The following BCAT1 variants were observed in gnomAD, a reference collection of about 807,000 sequenced individuals.
The protein encoded by BCAT1 is branched chain amino acid transaminase 1.
BCAT1 carries 48 observed loss-of-function variants against 52.4 expected under a neutral mutation model. The observed-to-expected ratio is 0.92, with a 90% CI of 0.73 to 1.16. The LOEUF (loss-of-function observed/expected upper bound fraction) is 1.16. Among genes scored for constraint, BCAT1 ranks in the 50% most tolerant of loss-of-function variants. The pLI, the probability that BCAT1 is intolerant of heterozygous loss-of-function variation, is 0.00. For synonymous variants in BCAT1, 167 were observed against 161.3 expected (o/e 1.04, Z -0.27); for missense variants, 451 against 457.1 (o/e 0.99, Z 0.12).
Position 24,948,939 on chromosome 12 carries a change from G to C in BCAT1, c.-7C>G. 1 of 1,595,642 alleles carries C rather than the reference G, an allele frequency of 6.3e-7. No homozygotes were observed. Among genetic ancestry groups the C allele is most frequent in the Non-Finnish European group, 8.5e-7 (1 of 1,170,998 alleles). On this transcript the variant is annotated 5_prime_UTR_variant, in exon 1 of 11. Coordinates refer to ENST00000261192, the MANE Select transcript of BCAT1 (RefSeq NM_005504.7). ...CATAAGTAGTTACCTTCATTGTTCCGTCGGCCACGAGGGAAGCTCGAGCTG... is the reference window on the plus strand; with the variant it reads ...CATAAGTAGTTACCTTCATTGTTCCCTCGGCCACGAGGGAAGCTCGAGCTG...
At chr12:24,868,901 A>G (rs1942101144) in intron 5 of BCAT1, among the ~76,000 whole-genome samples, 1 of 152,244 alleles carries the variant, frequency 6.6e-6, no homozygotes, top group South Asian at 2.1e-4. Flanking sequence ...ACGTTTATCC[A>G]ACATAGGATT....
At chr12:24,875,054 A>G (rs16928141) in intron 5 of BCAT1, among the ~76,000 whole-genome samples, 7,322 of 151,576 alleles carry the variant, frequency 0.048, 580 homozygotes, top group African/African-American at 0.17. Context: ...GCTTGCAATT[A>G]TACTATGAAG....
intron 6 of BCAT1, among the ~76,000 whole-genome samples, chr12:24,842,637 G>C (rs1941209637): frequency 6.6e-6 from 1 of 152,098 alleles, no homozygotes. Flanking sequence ...GAGAAACTAA[G>C]GTTTAGAGAA....
At chr12:24,902,938 T>G (rs1943153494) in intron 1 of BCAT1, 4 of 1,509,008 alleles carry the variant, frequency 2.7e-6, no homozygotes, top group Non-Finnish European at 3.5e-6. Context: ...ACGCCCGGGT[T>G]CGAGGTACCT....
At chr12:24,944,946 C>A (rs968480629) in intron 1 of BCAT1, among the ~76,000 whole-genome samples, 1 of 152,070 alleles carries the variant, frequency 6.6e-6, no homozygotes, top group Non-Finnish European at 1.5e-5. Flanking sequence ...CCATTAATTA[C>A]TGAACACAAG....
At chr12:24,877,538 C>T (rs376525826) in intron 5 of BCAT1, among the ~76,000 whole-genome samples, 1 of 152,300 alleles carries the variant, frequency 6.6e-6, no homozygotes, top group East Asian at 1.9e-4. Context: ...TTATTTAAAC[C>T]TACCATCCCA....
rs185838439 is a variant in BCAT1, at chr12:24,853,163, C to A, written c.511-3214G>T. 3.9e-5 allele frequency among the ~76,000 whole-genome samples: 6 copies of A among 152,276 alleles called. No individual in the cohort carries two copies. The East Asian group carries it at 1.2e-3, about 29-fold the overall frequency. On this transcript the variant is annotated intron_variant, in intron 5 of 10. Coordinates refer to ENST00000261192, the MANE Select transcript of BCAT1 (RefSeq NM_005504.7). Reference sequence around the variant, plus strand: ...AACTGCACTCATATGTTTATCACAGCCCTGTCCACAACAACAAAGACATGG... The same window carrying A: ...AACTGCACTCATATGTTTATCACAGACCTGTCCACAACAACAAAGACATGG...
chr12:24,916,249 C>G (rs1456572674), intron 1 of BCAT1, among the ~76,000 whole-genome samples: 1 of 152,196 alleles, frequency 6.6e-6, no homozygotes, highest in Non-Finnish European at 1.5e-5. Context: ...GTGAATTGCT[C>G]TCTTTTCAAC....
At chr12:24,821,268 T>A (rs1940112899) in intron 10 of BCAT1, among the ~76,000 whole-genome samples, 1 of 152,200 alleles carries the variant, frequency 6.6e-6, no homozygotes, top group Non-Finnish European at 1.5e-5. Flanking sequence ...TTTAATTCTA[T>A]CTGGTGACCT....
intron 5 of BCAT1, among the ~76,000 whole-genome samples, chr12:24,860,684 C>T (rs534079488): frequency 2.1e-4 from 32 of 152,302 alleles, no homozygotes; most frequent in African/African-American, 6.5e-4. Flanking sequence ...ACTTACAGAA[C>T]TGATGAAAGC....
intron 10 of BCAT1, among the ~76,000 whole-genome samples, chr12:24,826,029 T>C (rs1417941869): frequency 1.3e-5 from 2 of 152,108 alleles, no homozygotes; most frequent in South Asian, 2.1e-4. Flanking sequence ...CTGGGCAAGA[T>C]GGTGAGACTC....
At chr12:24,845,022 G>A (rs1357325181) in intron 6 of BCAT1, among the ~76,000 whole-genome samples, 1 of 151,686 alleles carries the variant, frequency 6.6e-6, no homozygotes, top group Non-Finnish European at 1.5e-5. Context: ...AGACCAGCCT[G>A]GCTAACATGG....
At chr12:24,827,753 C>G (rs1338392718) in intron 10 of BCAT1, among the ~76,000 whole-genome samples, 2 of 152,222 alleles carry the variant, frequency 1.3e-5, no homozygotes, top group East Asian at 3.9e-4. Context: ...GATTGCACCA[C>G]TGCACCCCAG....
chr12:24,830,478 T>C (rs1940615026), intron 9 of BCAT1: 1 of 152,202 alleles, frequency 6.6e-6, no homozygotes, highest in South Asian at 2.1e-4. Context: ...CTGAAAGAGA[T>C]TTCATGCTTC....
intron 5 of BCAT1, among the ~76,000 whole-genome samples, chr12:24,871,780 A>C (rs994911286): frequency 6.6e-6 from 1 of 152,214 alleles, no homozygotes; most frequent in Non-Finnish European, 1.5e-5. Context: ...GATGATACTC[A>C]CTGGTAAGAG....
chr12:24,943,800 T>C (rs183282249), intron 1 of BCAT1, among the ~76,000 whole-genome samples: 28,455 of 151,642 alleles, frequency 0.19, 3,498 homozygotes, highest in Non-Finnish European at 0.29. Flanking sequence ...CTGGCTAACA[T>C]GGTGAAACCC....
At position 24,919,005 on chromosome 12, in the gene BCAT1, C is replaced by T. The variant is rs571184842; in HGVS notation, c.7-17120G>A. 3.2e-4 allele frequency among the ~76,000 whole-genome samples: 49 copies of T among 152,186 alleles called. No homozygotes were observed. The South Asian group carries it at 4.4e-3, about 14-fold the overall frequency. Reference sequence around the variant, plus strand: ...CACAGTCAGATAAATGTGTGAGCCTCGATAAATATCTACTCAATAAATTGA... The same window carrying T: ...CACAGTCAGATAAATGTGTGAGCCTTGATAAATATCTACTCAATAAATTGA... On this transcript the variant is annotated intron_variant, in intron 1 of 10. Coordinates refer to ENST00000261192, the MANE Select transcript of BCAT1 (RefSeq NM_005504.7).
chr12:24,913,033 A>G lies in BCAT1; in HGVS notation c.7-11148T>C, dbSNP rs553007220. Reference sequence around the variant, plus strand: ...ACCCTGTCTTTACAAAAATACAAAAATTTTAATGGACAGTTTTTGTTTTGT... The same window carrying G: ...ACCCTGTCTTTACAAAAATACAAAAGTTTTAATGGACAGTTTTTGTTTTGT... On this transcript the variant is annotated intron_variant, in intron 1 of 10. Coordinates refer to ENST00000261192, the MANE Select transcript of BCAT1 (RefSeq NM_005504.7). Among the ~76,000 whole-genome samples, 4 of 152,316 alleles carry G rather than the reference A, an allele frequency of 2.6e-5. No individual in the cohort carries two copies. The East Asian group carries it at 7.7e-4, about 29-fold the overall frequency.
chr12:24,821,105 C>G (rs1940105665), intron 10 of BCAT1, among the ~76,000 whole-genome samples: 1 of 152,154 alleles, frequency 6.6e-6, no homozygotes. Flanking sequence ...ACACGGAGGA[C>G]AGCTTAAGAC....
Sources: allele counts gnomAD v4.1 joint callset (sites outside exome capture counted in the v4.1 genomes callset), GRCh38; gene constraint gnomAD v4.1.1; transcripts MANE v1.5; gene names NCBI Gene and HGNC (gene_info 2026-07-23, HGNC 2026-07-21).